Variants in RNF130 observed in about 807,000 individuals in gnomAD.
RNF130 encodes the protein ring finger protein 130.
RNF130 carries 21 observed loss-of-function variants against 44.6 expected under a neutral mutation model. The observed-to-expected ratio is 0.47, with a 90% CI of 0.33 to 0.68. The LOEUF (loss-of-function observed/expected upper bound fraction) is 0.68, where lower values mean the gene tolerates loss of function less well. Among genes scored for constraint, RNF130 ranks in the 30% least tolerant of loss-of-function variants. RNF130 has a pLI of 0.02. For missense variants in RNF130, 479 were observed against 560.6 expected (o/e 0.85, Z 1.47); for synonymous variants, 214 against 210.4 (o/e 1.02, Z -0.15).
In RNF130 at chr5:180,071,669, G is replaced by T. The variant is rs762554894; in HGVS notation, c.34C>A (p.Leu12Ile). 1.5e-4 allele frequency: 218 copies of T among 1,418,856 alleles called. 1 individual carries two copies. The highest frequency in any genetic ancestry group is 1.9e-4 in the Non-Finnish European group (201 of 1,082,604). The allele number at this position is 1,418,856 out of a possible 1,614,324, so 87.9% of individuals were successfully genotyped here. A position where few individuals can be genotyped will look rare whatever the true frequency, so the allele number is the denominator to read the frequency against. Reference protein sequence around the residue: ...SCAGRAGPARLAALALLTCSL... With the variant: ...SCAGRAGPARIAALALLTCSL... ...CAGGTCAGCAGGGCGAGCGCGGCGAGCCGGGCAGGGCCCGCCCGCCCCGCG... is the reference window on the plus strand; with the variant it reads ...CAGGTCAGCAGGGCGAGCGCGGCGATCCGGGCAGGGCCCGCCCGCCCCGCG... Residue 12 changes from leucine to isoleucine, a missense_variant, in exon 1 of 9, where the codon CTC (leucine) becomes ATC (isoleucine). Coordinates refer to ENST00000521389, the MANE Select transcript of RNF130 (RefSeq NM_018434.6).
exon 8 of RNF130, chr5:179,919,965 C>T (rs1465139931): frequency 5.1e-6 from 1 of 197,564 alleles, no homozygotes; most frequent in African/African-American, 2.3e-5. Flanking sequence ...TGTTAAAAAC[C>T]CCAGCTTCCC....
intron 1 of RNF130, among the ~76,000 whole-genome samples, chr5:180,069,147 A>C (rs1765184960): frequency 6.6e-6 from 1 of 152,260 alleles, no homozygotes; most frequent in Non-Finnish European, 1.5e-5. Context: ...ACAGCAGAAG[A>C]TTTAGATTTC....
At chr5:179,951,123 TAG>T (rs750503207), downstream of RNF130, among the ~76,000 whole-genome samples, 1 of 152,168 alleles carries the variant, frequency 6.6e-6, no homozygotes, top group Non-Finnish European at 1.5e-5. Context: ...TCTCAATGGA[TAG>T]AGGTGTATGA....
intron 8 of RNF130, among the ~76,000 whole-genome samples, chr5:179,962,225 C>G (rs1051673473): frequency 4.6e-5 from 7 of 152,254 alleles, no homozygotes; most frequent in African/African-American, 1.4e-4. Flanking sequence ...GCCACCCGAC[C>G]CTGACATCTG....
intron 2 of RNF130, among the ~76,000 whole-genome samples, chr5:180,037,062 C>T (rs1351014590): frequency 6.6e-6 from 1 of 152,184 alleles, no homozygotes; most frequent in Non-Finnish European, 1.5e-5. Context: ...TCTTCTATAA[C>T]TTACTGTGTT....
At position 180,013,053 on chromosome 5, in the gene RNF130, G is replaced by T; in HGVS notation, c.693+8C>A. ...TACGAACCAATCACTGTTGAGTACTGAGCTCACCTGGTTCCTGTCGCGTGC... is the reference window on the plus strand; with the variant it reads ...TACGAACCAATCACTGTTGAGTACTTAGCTCACCTGGTTCCTGTCGCGTGC... On this transcript the variant is annotated splice_region_variant and intron_variant, in intron 3 of 8. Transcript: ENST00000521389. The T allele has an allele frequency of 6.2e-7, 1 of 1,610,922 alleles. No individual in the cohort carries two copies.
intron 7 of RNF130, among the ~76,000 whole-genome samples, chr5:179,932,381 C>A (rs1300363826): frequency 1.3e-5 from 2 of 151,998 alleles, no homozygotes; most frequent in Non-Finnish European, 1.5e-5. Context: ...CCTCAGCCTC[C>A]TGAGTAGCTG....
chr5:180,022,148 T>C (rs1214334223), intron 2 of RNF130, among the ~76,000 whole-genome samples: 2 of 152,214 alleles, frequency 1.3e-5, no homozygotes, highest in Non-Finnish European at 2.9e-5. Context: ...TTGCCATTAC[T>C]AGTAAAGTTC....
intron 1 of RNF130, among the ~76,000 whole-genome samples, chr5:180,065,779 T>C (rs1287209717): frequency 6.7e-6 from 1 of 148,912 alleles, no homozygotes; most frequent in African/African-American, 2.5e-5. Context: ...AAAACAACTA[T>C]GTAAAGAAAG....
chr5:180,026,285 A>G (rs1262875266), intron 2 of RNF130, among the ~76,000 whole-genome samples: 2 of 152,244 alleles, frequency 1.3e-5, no homozygotes, highest in Non-Finnish European at 2.9e-5. Context: ...AGATAAAACT[A>G]CAGCTAATTC....
intron 3 of RNF130, among the ~76,000 whole-genome samples, chr5:179,980,748 T>G (rs1762815986): frequency 6.6e-6 from 1 of 152,180 alleles, no homozygotes; most frequent in African/African-American, 2.4e-5. Flanking sequence ...CCTGGGAAGG[T>G]GTACTTACCT....
At chr5:179,979,461 T>C (rs913176775) in intron 4 of RNF130, among the ~76,000 whole-genome samples, 4 of 151,954 alleles carry the variant, frequency 2.6e-5, no homozygotes, top group African/African-American at 7.3e-5. Context: ...AATATTAGAA[T>C]TGGGTGTGGG....
At chr5:179,966,436 G>A (rs1350157224) in intron 7 of RNF130, among the ~76,000 whole-genome samples, 1 of 152,318 alleles carries the variant, frequency 6.6e-6, no homozygotes, top group South Asian at 2.1e-4. Flanking sequence ...TGGAGAGCAC[G>A]AGCGCTCACA....
At chr5:179,934,217 G>C (rs1183236793) in intron 7 of RNF130, 1 of 169,746 alleles carries the variant, frequency 5.9e-6, no homozygotes, top group Non-Finnish European at 1.3e-5. Flanking sequence ...TGGAAAGGTG[G>C]TGGGAAGAGC....
intron 3 of RNF130, among the ~76,000 whole-genome samples, chr5:179,999,171 A>G (rs1405889914): frequency 6.6e-6 from 1 of 151,354 alleles, no homozygotes; most frequent in Non-Finnish European, 1.5e-5. Flanking sequence ...ACAGGTGTGT[A>G]TCACCATGCC....
chr5:180,003,692 T>G (rs1348501594), intron 3 of RNF130, among the ~76,000 whole-genome samples: 3 of 152,126 alleles, frequency 2.0e-5, no homozygotes, highest in Non-Finnish European at 4.4e-5. Flanking sequence ...GCCACTATTT[T>G]TTTAAAATTT....
chr5:179,927,166 C>T (rs973841332), intron 7 of RNF130, among the ~76,000 whole-genome samples: 4 of 152,202 alleles, frequency 2.6e-5, no homozygotes, highest in Non-Finnish European at 4.4e-5. Flanking sequence ...CAGTAATCTA[C>T]ATTGCTAACC....
intron 2 of RNF130, among the ~76,000 whole-genome samples, chr5:180,015,746 A>AGGAAAGGAGTAG (rs146903340): frequency 0.84 from 88,923 of 105,652 alleles, 38,206 homozygotes; most frequent in Middle Eastern, 0.91. Context: ...GAAAAGGAGT[A>AGGAAAGGAGTAG]GGAAAGGAGT....
chr5:179,956,846 C>CA (rs1451654916), intron 8 of RNF130, among the ~76,000 whole-genome samples: 3 of 152,272 alleles, frequency 2.0e-5, no homozygotes, highest in Non-Finnish European at 4.4e-5. Context: ...CCATTACCTT[C>CA]AGCACTGCGA....
Sources: gnomAD v4.1 joint callset for allele counts (sites outside exome capture counted in the v4.1 genomes callset) on GRCh38, gnomAD v4.1.1 for gene constraint, MANE v1.5 for transcripts, NCBI Gene and HGNC (gene_info 2026-07-23, HGNC 2026-07-21) for gene names.